The following PDE10A variants were observed in gnomAD, a reference collection of about 807,000 sequenced individuals.
PDE10A encodes cAMP and cAMP-inhibited cGMP 3',5'-cyclic phosphodiesterase 10A.
Under a neutral mutation model 97.7 loss-of-function variants are expected in PDE10A, and 39 were observed. That is an observed-to-expected ratio of 0.40 (90% CI 0.31 to 0.52). PDE10A has a LOEUF of 0.52. Ranked by LOEUF, PDE10A falls within the 20% of genes least tolerant of loss-of-function variation. PDE10A has a pLI of 0.56. For missense variants in PDE10A, 731 were observed against 1,047.8 expected (o/e 0.70, Z 4.17); for synonymous variants, 371 against 376.8 (o/e 0.98, Z 0.18).
chr6:165,401,766 T>C (rs892114594), intron 13 of PDE10A, among the ~76,000 whole-genome samples: 1 of 152,216 alleles, frequency 6.6e-6, no homozygotes, highest in African/African-American at 2.4e-5. Context: ...CATGACCTTC[T>C]AGTGCATGAA....
intron 1 of PDE10A, among the ~76,000 whole-genome samples, chr6:165,603,303 G>A (rs1354972767): frequency 6.6e-6 from 1 of 152,184 alleles, no homozygotes; most frequent in Non-Finnish European, 1.5e-5. Flanking sequence ...AATCTCACTG[G>A]TGCTTTATCG....
At chr6:165,885,649 G>A (rs912326205) in intron 1 of PDE10A, among the ~76,000 whole-genome samples, 17 of 152,232 alleles carry the variant, frequency 1.1e-4, no homozygotes, top group African/African-American at 3.9e-4. Context: ...TCTGCTCAGC[G>A]CTGGCTGAAA....
Position 165,369,708 on chromosome 6 carries a change from G to C in PDE10A, c.2783+9486C>G, listed in dbSNP as rs576345351. On this transcript the variant is annotated intron_variant, in intron 18 of 21. Transcript: ENST00000539869. The stretch of plus-strand genomic sequence containing the variant: ...ACCTAGCAAGGCAGGCCAACGTTCA[G>C]GTTCAGGAAATACAGAGAACGCCAC... Among the ~76,000 whole-genome samples the C allele has an allele frequency of 3.2e-4, 44 of 138,834 alleles. No individual in the cohort carries two copies. The East Asian group carries it at 8.7e-3, about 27-fold the overall frequency. The allele number at this position is 138,834 out of a possible 152,430, so 91.1% of individuals were successfully genotyped here.
intron 1 of PDE10A, among the ~76,000 whole-genome samples, chr6:165,838,526 G>C (rs1432905919): frequency 6.6e-6 from 1 of 152,068 alleles, no homozygotes; most frequent in Non-Finnish European, 1.5e-5. Flanking sequence ...ATTTCCATCA[G>C]CTCCAAAAGA....
intron 1 of PDE10A, among the ~76,000 whole-genome samples, chr6:165,857,091 T>C (rs2128475917): frequency 6.6e-6 from 1 of 152,304 alleles, no homozygotes; most frequent in South Asian, 2.1e-4. Flanking sequence ...ATTGATTAAG[T>C]CCCTCACCTT....
chr6:165,430,266 T>C (rs747943028), intron 9 of PDE10A, 21 bp downstream of exon 9: 28 of 1,572,984 alleles, frequency 1.8e-5, no homozygotes, highest in Non-Finnish European at 2.3e-5. Context: ...AGAGCTACTA[T>C]CCCTAGAAAT....
chr6:165,609,499 T>G (rs1205510589), intron 1 of PDE10A, among the ~76,000 whole-genome samples: 3 of 152,176 alleles, frequency 2.0e-5, no homozygotes, highest in Non-Finnish European at 4.4e-5. Flanking sequence ...TGTTGGAAGT[T>G]CTGGCCAGGG....
intron 1 of PDE10A, among the ~76,000 whole-genome samples, chr6:165,752,806 G>T (rs1793037594): frequency 6.6e-6 from 1 of 152,216 alleles, no homozygotes; most frequent in Non-Finnish European, 1.5e-5. Context: ...TGCGAAGAAG[G>T]AAACGCTATG....
At chr6:165,446,514 T>C (rs935807514) in intron 5 of PDE10A, among the ~76,000 whole-genome samples, 4 of 151,866 alleles carry the variant, frequency 2.6e-5, no homozygotes, top group Admixed American at 2.0e-4. Flanking sequence ...CAAAATAGAG[T>C]GAGCAAAACA....
At chr6:165,710,013 C>T (rs1791854379) in intron 1 of PDE10A, among the ~76,000 whole-genome samples, 1 of 152,046 alleles carries the variant, frequency 6.6e-6, no homozygotes, top group Non-Finnish European at 1.5e-5. Context: ...TTTAGGCCAT[C>T]TCACAGTTTT....
chr6:165,395,147 T>C (rs1056469100), intron 15 of PDE10A, 34 bp downstream of exon 15: 8 of 1,377,624 alleles, frequency 5.8e-6, no homozygotes, highest in East Asian at 4.6e-5. Context: ...TGTCACCCAA[T>C]ATTTCAAAAA....
At chr6:165,513,539 T>C (rs1484097193) in intron 2 of PDE10A, among the ~76,000 whole-genome samples, 1 of 152,178 alleles carries the variant, frequency 6.6e-6, no homozygotes, top group Non-Finnish European at 1.5e-5. Context: ...CATTTCCATA[T>C]GCATTTTAAA....
chr6:165,782,997 C>G (rs1333726468), intron 1 of PDE10A, among the ~76,000 whole-genome samples: 1 of 151,886 alleles, frequency 6.6e-6, no homozygotes, highest in Non-Finnish European at 1.5e-5. Flanking sequence ...CTTTGTGGTC[C>G]TCTCTGATGC....
chr6:165,758,019 T>C (rs1354481957), intron 1 of PDE10A, among the ~76,000 whole-genome samples: 1 of 152,258 alleles, frequency 6.6e-6, no homozygotes, highest in Non-Finnish European at 1.5e-5. Context: ...AGTATCCATA[T>C]GTATTATTTC....
At chr6:165,931,153 C>T (rs763008285) in intron 1 of PDE10A, among the ~76,000 whole-genome samples, 1 of 152,204 alleles carries the variant, frequency 6.6e-6, no homozygotes, top group African/African-American at 2.4e-5. Flanking sequence ...TTCTTCAGGC[C>T]TCTGCTCAAG....
intron 1 of PDE10A, among the ~76,000 whole-genome samples, chr6:165,897,497 T>C (rs954027516): frequency 1.3e-5 from 2 of 151,432 alleles, no homozygotes; most frequent in Admixed American, 6.6e-5. Context: ...GGGAGTGAGG[T>C]CCCTGGAGGG....
At chr6:165,859,592 C>T (rs2128476406) in intron 1 of PDE10A, among the ~76,000 whole-genome samples, 1 of 152,356 alleles carries the variant, frequency 6.6e-6, no homozygotes, top group South Asian at 2.1e-4. Flanking sequence ...GCACGCCACC[C>T]ACCAGGAGCT....
At chr6:165,557,656 C>T (rs1256843880) in intron 1 of PDE10A, among the ~76,000 whole-genome samples, 1 of 151,958 alleles carries the variant, frequency 6.6e-6, no homozygotes, top group East Asian at 1.9e-4. Flanking sequence ...GCAAATATAC[C>T]TTCTTGAAAA....
chr6:165,706,615 C>T (rs575907586), intron 1 of PDE10A, among the ~76,000 whole-genome samples: 3 of 152,340 alleles, frequency 2.0e-5, no homozygotes, highest in African/African-American at 7.2e-5. Flanking sequence ...TAAATCTTCA[C>T]AGTCTGTGAC....
Sources: allele counts gnomAD v4.1 joint callset (sites outside exome capture counted in the v4.1 genomes callset), GRCh38; gene constraint gnomAD v4.1.1; transcripts MANE v1.5; gene names NCBI Gene and HGNC (gene_info 2026-07-23, HGNC 2026-07-21).